The following PPARD variants were observed in gnomAD, a reference collection of about 807,000 sequenced individuals.
PPARD encodes peroxisome proliferator activated receptor delta.
Under a neutral mutation model 39.5 loss-of-function variants are expected in PPARD, and 6 were observed. The ratio of observed to expected loss-of-function variants is 0.15; its 90% CI spans 0.08 to 0.30. The LOEUF (loss-of-function observed/expected upper bound fraction) is 0.30. Ranked by LOEUF, PPARD falls within the 10% of genes least tolerant of loss-of-function variation. PPARD has a pLI of 1.00. For missense variants in PPARD, 397 were observed against 596.8 expected, an observed-to-expected ratio of 0.67 and a Z score of 3.49; for synonymous variants, 210 against 231.3, an observed-to-expected ratio of 0.91 and a Z score of 0.83.
rs1376180105 is a variant in PPARD, at chr6:35,421,968, G to A, written c.424+10G>A. 6.3e-7 allele frequency: 1 copy of A among 1,596,452 alleles called. No homozygotes were observed. Among genetic ancestry groups the A allele is most frequent in the East Asian group, 2.2e-5 (1 of 44,472 alleles). On this transcript the variant is annotated intron_variant, in intron 5 of 7. Coordinates refer to ENST00000360694, the MANE Select transcript of PPARD (RefSeq NM_006238.5). ...GGCATGTCACACAACGGTGAGAGCT[G>A]ACCAGGGCAACTCACGGGCTGCTGG...
chr6:35,426,084 G>T lies in PPARD; in HGVS notation c.*5G>T. 2 of 1,609,176 alleles carry T rather than the reference G, an allele frequency of 1.2e-6. No homozygotes were observed. ...ATCTACAAGGACATGTACTAACGGC[G>T]GCACCCAGGCCTCCCTGCAGACTCC... On this transcript the variant is annotated 3_prime_UTR_variant, in exon 8 of 8. Transcript: ENST00000360694.
intron 2 of PPARD, among the ~76,000 whole-genome samples, chr6:35,359,144 G>T (rs1761788048): frequency 6.6e-6 from 1 of 152,216 alleles, no homozygotes; most frequent in Admixed American, 6.5e-5. Context: ...GGTGTTCAAC[G>T]CATAGCGAGG....
At chr6:35,420,422 C>T (rs947824312) in intron 4 of PPARD, 141 bp downstream of exon 4, 2 of 1,200,270 alleles carry the variant, frequency 1.7e-6, no homozygotes, top group Admixed American at 3.3e-5. Context: ...CAGCCAGGCC[C>T]TTGTGCTCCA....
chr6:35,357,664 G>A (rs957330210), intron 2 of PPARD, among the ~76,000 whole-genome samples: 4 of 151,908 alleles, frequency 2.6e-5, no homozygotes, highest in African/African-American at 9.7e-5. Context: ...AGCCTTCCAA[G>A]TAGCTGGGAT....
intron 2 of PPARD, among the ~76,000 whole-genome samples, chr6:35,383,951 C>A (rs1461280728): frequency 5.7e-5 from 5 of 87,508 alleles, no homozygotes; most frequent in Non-Finnish European, 9.4e-5. Context: ...GGGGGTCAGC[C>A]CCCCCGCCAG....
intron 2 of PPARD, among the ~76,000 whole-genome samples, chr6:35,388,047 T>G (rs1763781734): frequency 1.3e-5 from 2 of 151,158 alleles, no homozygotes; most frequent in African/African-American, 2.4e-5. Flanking sequence ...TTTTTAAAGC[T>G]TTTTTGTTGT....
At chr6:35,400,202 A>G (rs147690419) in intron 2 of PPARD, among the ~76,000 whole-genome samples, 12 of 152,284 alleles carry the variant, frequency 7.9e-5, no homozygotes, top group African/African-American at 2.9e-4. Context: ...CTCCTGGGCC[A>G]GTCAGAGTTT....
intron 2 of PPARD, among the ~76,000 whole-genome samples, chr6:35,349,498 A>T (rs1231654651): frequency 6.6e-6 from 1 of 152,114 alleles, no homozygotes; most frequent in Non-Finnish European, 1.5e-5. Flanking sequence ...AAAGAATCTC[A>T]TGTTTTAATA....
intron 2 of PPARD, among the ~76,000 whole-genome samples, chr6:35,375,129 A>T (rs938662089): frequency 2.7e-5 from 4 of 150,398 alleles, no homozygotes; most frequent in Non-Finnish European, 5.9e-5. Flanking sequence ...CATTTTTGGG[A>T]TTTAACTTAA....
chr6:35,356,296 TC>T (rs1265925988), intron 2 of PPARD, among the ~76,000 whole-genome samples: 1 of 152,208 alleles, frequency 6.6e-6, no homozygotes, highest in East Asian at 1.9e-4. Context: ...GAGGCAGAGT[TC>T]CTTGCCACCA....
chr6:35,419,206 C>T (rs970520723), intron 3 of PPARD, among the ~76,000 whole-genome samples: 5 of 152,026 alleles, frequency 3.3e-5, no homozygotes, highest in South Asian at 4.2e-4. Flanking sequence ...AGAGGTTGGA[C>T]GGTCATCATG....
intron 2 of PPARD, among the ~76,000 whole-genome samples, chr6:35,372,324 C>G (rs923971899): frequency 6.6e-6 from 1 of 152,176 alleles, no homozygotes; most frequent in African/African-American, 2.4e-5. Flanking sequence ...TTTACAGGCT[C>G]CCGCCACCAT....
intron 3 of PPARD, among the ~76,000 whole-genome samples, chr6:35,415,608 G>A (rs980345402): frequency 6.6e-6 from 1 of 152,202 alleles, no homozygotes; most frequent in Non-Finnish European, 1.5e-5. Context: ...AGCAGTGACT[G>A]TGTCTTCTTG....
intron 2 of PPARD, among the ~76,000 whole-genome samples, chr6:35,406,921 G>A (rs1160823884): frequency 3.3e-5 from 5 of 152,122 alleles, no homozygotes; most frequent in South Asian, 2.1e-4. Context: ...TTTCTGCTTC[G>A]TCCTCTAGCA....
At chr6:35,350,561 A>G (rs111244160) in intron 2 of PPARD, among the ~76,000 whole-genome samples, 34,649 of 145,216 alleles carry the variant, frequency 0.24, 8,889 homozygotes, top group African/African-American at 0.64. Flanking sequence ...TTCACTGTAG[A>G]TGTGTGGATT....
At chr6:35,355,852 C>G (rs1414165094) in intron 2 of PPARD, among the ~76,000 whole-genome samples, 1 of 151,656 alleles carries the variant, frequency 6.6e-6, no homozygotes, top group Non-Finnish European at 1.5e-5. Flanking sequence ...ACCTTGTGAT[C>G]CGCCCGTCTC....
At chr6:35,376,893 G>A (rs1385207745) in intron 2 of PPARD, among the ~76,000 whole-genome samples, 1 of 152,028 alleles carries the variant, frequency 6.6e-6, no homozygotes, top group African/African-American at 2.4e-5. Context: ...GGTGGTGGGT[G>A]CCTGTAGTCC....
intron 2 of PPARD, among the ~76,000 whole-genome samples, chr6:35,356,990 C>T (rs935877234): frequency 2.0e-5 from 3 of 152,190 alleles, no homozygotes; most frequent in Non-Finnish European, 4.4e-5. Flanking sequence ...ATGATGTCTG[C>T]ACAACAGAGG....
At chr6:35,374,574 C>T (rs558134409) in intron 2 of PPARD, among the ~76,000 whole-genome samples, 1 of 150,354 alleles carries the variant, frequency 6.7e-6, no homozygotes, top group East Asian at 2.0e-4. Context: ...AGGAGAATGG[C>T]GTGAACCCGG....
Sources: gnomAD v4.1 joint callset for allele counts (sites outside exome capture counted in the v4.1 genomes callset) on GRCh38, gnomAD v4.1.1 for gene constraint, MANE v1.5 for transcripts, NCBI Gene and HGNC (gene_info 2026-07-23, HGNC 2026-07-21) for gene names.